Variants in ZFHX4 observed in about 807,000 individuals in gnomAD.
The protein encoded by ZFHX4 is zinc finger homeobox 4.
ZFHX4 carries 56 observed loss-of-function variants against 267.6 expected under a neutral mutation model. That is an observed-to-expected ratio of 0.21 (90% CI 0.17 to 0.26). The LOEUF is 0.26. Among genes scored for constraint, ZFHX4 ranks in the 10% least tolerant of loss-of-function variants. The pLI is 1.00. For synonymous variants in ZFHX4, 1,778 were observed against 1,665.6 expected, an observed-to-expected ratio of 1.07 and a Z score of -1.64; for missense variants, 4,332 against 4,420.0, an observed-to-expected ratio of 0.98 and a Z score of 0.56.
intron 3 of ZFHX4, among the ~76,000 whole-genome samples, chr8:76,761,178 AT>A (rs1308800981): frequency 6.6e-6 from 1 of 152,168 alleles, no homozygotes; most frequent in East Asian, 1.9e-4. Flanking sequence ...TACATAAAGT[AT>A]TTTTTAACAC....
At chr8:76,728,382 GTTTC>G (rs1808911300) in intron 3 of ZFHX4, among the ~76,000 whole-genome samples, 1 of 152,088 alleles carries the variant, frequency 6.6e-6, no homozygotes, top group Non-Finnish European at 1.5e-5. Context: ...TTAGCCACTG[GTTTC>G]CAATATCTTC....
chr8:76,729,197 C>A (rs1808933427), intron 3 of ZFHX4, among the ~76,000 whole-genome samples: 1 of 152,008 alleles, frequency 6.6e-6, no homozygotes, highest in African/African-American at 2.4e-5. Context: ...ATATTCCCCA[C>A]CCTATAGATC....
chr8:76,842,957 C>T (rs1203849292), intron 6 of ZFHX4, among the ~76,000 whole-genome samples, 186 bp downstream of exon 6: 1 of 152,162 alleles, frequency 6.6e-6, no homozygotes, highest in Non-Finnish European at 1.5e-5. Context: ...AGTAGCCTCC[C>T]ATTGACCTAT....
chr8:76,741,734 A>G (rs918390404), intron 3 of ZFHX4, among the ~76,000 whole-genome samples: 2 of 152,174 alleles, frequency 1.3e-5, no homozygotes, highest in East Asian at 3.9e-4. Flanking sequence ...ATAATCAGAA[A>G]GTCTCTATTT....
chr8:76,774,288 T>C (rs1810348037), intron 3 of ZFHX4, among the ~76,000 whole-genome samples: 1 of 152,154 alleles, frequency 6.6e-6, no homozygotes, highest in South Asian at 2.1e-4. Context: ...TATCATATGC[T>C]CATCAGGAAG....
In ZFHX4 at chr8:76,853,118, A is replaced by T. The variant is rs1812594140; in HGVS notation, c.6197A>T (p.Gln2066Leu). The T allele has an allele frequency of 1.5e-6, 2 of 1,307,534 alleles. No individual in the cohort carries two copies. Among genetic ancestry groups the T allele is most frequent in the Non-Finnish European group, 1.0e-6 (1 of 999,572 alleles). 81.0% of individuals were successfully genotyped at this position (1,307,534 alleles called of 1,614,324 possible). Residue 2066 changes from glutamine (Q) to leucine (L), a missense_variant, in exon 10 of 11, where the codon CAG becomes CTG. Physicochemically the swap from Gln to Leu is moderately radical, Grantham distance 113. Coordinates refer to ENST00000651372, the MANE Select transcript of ZFHX4 (RefSeq NM_024721.5). ...CCTCCTCCACCTTCTGCTCCTCCAC[A>T]GGTCCAACTGCCGGTTTCTCTGGAC... is the stretch of plus-strand genomic sequence containing the variant. Reference protein sequence around the residue: ...PPPPPPSAPPQVQLPVSLDLP... With the variant: ...PPPPPPSAPPLVQLPVSLDLP...
At chr8:76,836,931 T>C (rs910596274) in intron 5 of ZFHX4, among the ~76,000 whole-genome samples, 1 of 152,034 alleles carries the variant, frequency 6.6e-6, no homozygotes, top group Non-Finnish European at 1.5e-5. Flanking sequence ...ATAGGATGCA[T>C]ATGAATGGGA....
chr8:76,726,581 G>C (rs1047924027), intron 3 of ZFHX4, among the ~76,000 whole-genome samples: 1 of 152,128 alleles, frequency 6.6e-6, no homozygotes, highest in African/African-American at 2.4e-5. Flanking sequence ...GCATTTAAAT[G>C]ACTTTTTATA....
At chr8:76,760,338 C>T (rs1399149239) in intron 3 of ZFHX4, among the ~76,000 whole-genome samples, 2 of 152,094 alleles carry the variant, frequency 1.3e-5, no homozygotes, top group African/African-American at 4.8e-5. Context: ...TTTATTCATT[C>T]CTTTATTAAT....
rs57518076 is a variant in ZFHX4, at chr8:76,826,990, C to G, written c.3326-6348C>G. On this transcript the variant is annotated intron_variant, in intron 4 of 10. Transcript: ENST00000651372. The stretch of plus-strand genomic sequence containing the variant: ...TCAGTTTATGGATAGGGATCAGTTC[C>G]TATGCTGATGAGCAACCTAGCAAAG... Among the ~76,000 whole-genome samples, 1,408 of 152,300 alleles carry G rather than the reference C, an allele frequency of 9.2e-3. 32 individuals are homozygous for G. Among genetic ancestry groups the G allele is most frequent in the African/African-American group, 0.033 (1,351 of 41,568 alleles).
intron 1 of ZFHX4, among the ~76,000 whole-genome samples, chr8:76,701,767 G>A (rs1473998534): frequency 6.6e-6 from 1 of 152,120 alleles, no homozygotes; most frequent in Non-Finnish European, 1.5e-5. Flanking sequence ...GTAAAATGTT[G>A]AGGAGCTTTC....
intron 4 of ZFHX4, among the ~76,000 whole-genome samples, chr8:76,798,857 A>T (rs1028787622): frequency 2.6e-5 from 4 of 152,136 alleles, no homozygotes; most frequent in Non-Finnish European, 1.5e-5. Flanking sequence ...TCATAATGGA[A>T]CCATACATTG....
intron 3 of ZFHX4, among the ~76,000 whole-genome samples, chr8:76,712,848 G>C (rs1808461736): frequency 6.6e-6 from 1 of 151,718 alleles, no homozygotes; most frequent in Non-Finnish European, 1.5e-5. Context: ...TGCAGGATTT[G>C]TTTTAAAAAA....
At chr8:76,859,913 T>C (rs1466735918) in intron 10 of ZFHX4, among the ~76,000 whole-genome samples, 1 of 152,142 alleles carries the variant, frequency 6.6e-6, no homozygotes, top group East Asian at 1.9e-4. Flanking sequence ...GGTAGCTATT[T>C]CAGAGAAAGA....
chr8:76,722,494 G>GA lies in ZFHX4; in HGVS notation c.3093+14451dup, dbSNP rs917008851. 5.3e-5 allele frequency among the ~76,000 whole-genome samples: 8 copies of GA among 151,872 alleles called. No individual in the cohort carries two copies. In the East Asian group the frequency reaches 9.7e-4, roughly 18 times the overall value. ...GGGGAATGTCTCAGAGAAAGAGAGT[G>GA]AAAAATATACACAAATACCTGCCTA... is the stretch of plus-strand genomic sequence containing the variant. On this transcript the variant is annotated intron_variant, in intron 3 of 10. Coordinates refer to ENST00000651372, the MANE Select transcript of ZFHX4 (RefSeq NM_024721.5).
At chr8:76,750,520 A>G (rs1357002916) in intron 3 of ZFHX4, among the ~76,000 whole-genome samples, 2 of 152,168 alleles carry the variant, frequency 1.3e-5, no homozygotes, top group Admixed American at 6.5e-5. Context: ...GTGTATTCTT[A>G]CAAGGTAAAA....
rs139459598 is a variant in ZFHX4 at position 76,842,334 on chromosome 8, T to C, written c.3395-321T>C. Reference sequence around the variant, plus strand: ...GTAGGTTTATGTTGTTACAAGGTTCTACTATTCGAATCACAGAATTGCCTT... The same window carrying C: ...GTAGGTTTATGTTGTTACAAGGTTCCACTATTCGAATCACAGAATTGCCTT... On this transcript the variant is annotated intron_variant, in intron 5 of 10. Coordinates refer to ENST00000651372, the MANE Select transcript of ZFHX4 (RefSeq NM_024721.5). Among the ~76,000 whole-genome samples the C allele has an allele frequency of 4.5e-4, 69 of 152,348 alleles. 1 individual carries two copies. The highest frequency in any genetic ancestry group is 1.6e-3 in the African/African-American group (66 of 41,586).
intron 6 of ZFHX4, 136 bp from the exon 7 acceptor site, chr8:76,848,859 T>G (rs1221777365): frequency 1.3e-6 from 1 of 775,456 alleles, no homozygotes; most frequent in Admixed American, 3.9e-5. Context: ...CTTTTGAGAT[T>G]AGCATTATTT....
At chr8:76,693,447 T>C (rs905367831) in intron 1 of ZFHX4, 1 of 152,144 alleles carries the variant, frequency 6.6e-6, no homozygotes, top group East Asian at 1.9e-4. Flanking sequence ...AAACCAAAGC[T>C]CATGGAAATT....
Sources: allele counts gnomAD v4.1 joint callset (sites outside exome capture counted in the v4.1 genomes callset), GRCh38; gene constraint gnomAD v4.1.1; transcripts MANE v1.5; gene names NCBI Gene and HGNC (gene_info 2026-07-23, HGNC 2026-07-21).